C1QTNF9B: variants seen among roughly 807,000 people sequenced by gnomAD.
C1QTNF9B encodes the protein complement C1q and tumor necrosis factor-related protein 9B.
C1QTNF9B carries 9 observed loss-of-function variants against 10.1 expected under a neutral mutation model. The observed-to-expected ratio is 0.89, with a 90% CI of 0.53 to 1.55. The LOEUF is 1.55. Ranked by LOEUF, C1QTNF9B falls within the 40% of genes most tolerant of loss-of-function variation. The pLI, the probability that C1QTNF9B is intolerant of heterozygous loss-of-function variation, is 0.00. For synonymous variants in C1QTNF9B, 79 were observed against 159.9 expected, an observed-to-expected ratio of 0.49 and a Z score of 3.82; for missense variants, 196 against 414.4, an observed-to-expected ratio of 0.47 and a Z score of 4.58.
intron 2 of C1QTNF9B, 124 bp from the exon 5 acceptor site, chr13:23,892,185 G>A: frequency 1.6e-5 from 22 of 1,418,628 alleles, no homozygotes; most frequent in Non-Finnish European, 2.1e-5. Flanking sequence ...TATATGCCCA[G>A]AGTTTAAAAT....
intron 1 of C1QTNF9B, among the ~76,000 whole-genome samples, chr13:23,895,200 C>T (rs113077048): frequency 0.02 from 3,058 of 151,990 alleles, 97 homozygotes; most frequent in African/African-American, 0.07. Flanking sequence ...TCTTCCTCTC[C>T]TTCCCTCTTT....
intron 2 of C1QTNF9B, among the ~76,000 whole-genome samples, chr13:23,893,557 C>CA (rs1872092537): frequency 6.6e-6 from 1 of 152,174 alleles, no homozygotes; most frequent in Non-Finnish European, 1.5e-5. Flanking sequence ...ATGGCAGCCT[C>CA]AAACTCCCAG....
At chr13:23,891,233 G>A in exon 3 of C1QTNF9B, 2 of 1,400,338 alleles carry the variant, frequency 1.4e-6, no homozygotes, top group Non-Finnish European at 1.9e-6. Flanking sequence ...ATCTGAATAA[G>A]TTCATCCCAA....
intron 1 of C1QTNF9B, chr13:23,894,682 C>G (rs1407496535): frequency 2.2e-6 from 1 of 456,032 alleles, no homozygotes; most frequent in Middle Eastern, 4.2e-4. Flanking sequence ...TGACACTATC[C>G]CAAGATAGAA....
upstream of C1QTNF9B, chr13:23,897,333 A>G: frequency 2.6e-6 from 1 of 383,130 alleles, no homozygotes; most frequent in Non-Finnish European, 4.7e-6. Context: ...ATGCTTACTT[A>G]TCTCACAGGA....
chr13:23,896,690 G>C, intron 1 of C1QTNF9B, 131 bp downstream of exon 3: 1 of 1,365,964 alleles, frequency 7.3e-7, no homozygotes. Flanking sequence ...TCAGGCTCCA[G>C]TGAATGTTGC....
chr13:23,892,386 G>A (rs1872036845), intron 2 of C1QTNF9B, among the ~76,000 whole-genome samples: 1 of 152,228 alleles, frequency 6.6e-6, no homozygotes, highest in Non-Finnish European at 1.5e-5. Context: ...CCAGCTCAGT[G>A]GCTTATGCCT....
At chr13:23,895,774 C>T (rs554700601) in intron 1 of C1QTNF9B, among the ~76,000 whole-genome samples, 95 of 151,724 alleles carry the variant, frequency 6.3e-4, no homozygotes, top group Non-Finnish European at 1.0e-3. Flanking sequence ...CACACACACA[C>T]ACACACACAC....
chr13:23,892,765 G>A (rs1387610661), intron 2 of C1QTNF9B, among the ~76,000 whole-genome samples: 1 of 152,066 alleles, frequency 6.6e-6, no homozygotes, highest in Non-Finnish European at 1.5e-5. Flanking sequence ...TTAGTGTCAG[G>A]GCTCACATTA....
chr13:23,897,064 C>T (rs548924153), upstream of C1QTNF9B: 2 of 1,591,608 alleles, frequency 1.3e-6, no homozygotes, highest in East Asian at 2.2e-5. Context: ...GCCCTGGACA[C>T]AGCCTCCGTT....
chr13:23,895,000 G>A lies in C1QTNF9B; in HGVS notation c.167-799C>T, dbSNP rs60888696. Among the ~76,000 whole-genome samples the A allele has an allele frequency of 6.7e-3, 1,016 of 152,304 alleles. 10 individuals are homozygous for A. Among genetic ancestry groups the A allele is most frequent in the African/African-American group, 0.023 (957 of 41,552 alleles). On this transcript the variant is annotated intron_variant, in intron 1 of 2. Coordinates refer to ENST00000382137, the Ensembl canonical transcript of C1QTNF9B. Reference sequence around the variant, plus strand: ...TGGGGCGACAGGCGCAGGCTGGGCCGGCTTGCAGGTCCTGAGACAGGACTG... The same window carrying A: ...TGGGGCGACAGGCGCAGGCTGGGCCAGCTTGCAGGTCCTGAGACAGGACTG...
At chr13:23,894,290 G>C in intron 1 of C1QTNF9B, 89 bp from the exon 4 acceptor site, 1 of 1,185,270 alleles carries the variant, frequency 8.4e-7, no homozygotes, top group Non-Finnish European at 1.2e-6. Context: ...GTGTTGGAGA[G>C]TCTGGGGGTG....
chr13:23,892,475 C>A (rs1872042343), intron 2 of C1QTNF9B, among the ~76,000 whole-genome samples: 1 of 152,076 alleles, frequency 6.6e-6, no homozygotes, highest in Non-Finnish European at 1.5e-5. Flanking sequence ...GGCAACATGG[C>A]AAAACCTCAT....
chr13:23,895,037 CTT>C (rs567172997), intron 1 of C1QTNF9B, among the ~76,000 whole-genome samples: 4 of 152,190 alleles, frequency 2.6e-5, no homozygotes, highest in Non-Finnish European at 2.9e-5. Flanking sequence ...CACAGGCAGA[CTT>C]ATTTCTGTCA....
exon 3 of C1QTNF9B, chr13:23,891,399 C>G (rs201120215): frequency 2.5e-6 from 4 of 1,581,776 alleles, no homozygotes; most frequent in Non-Finnish European, 3.5e-6. Context: ...ATCTCATCCC[C>G]GAGCTTCAGC....
At chr13:23,895,470 GAATA>G (rs1399716457) in intron 1 of C1QTNF9B, among the ~76,000 whole-genome samples, 1 of 151,984 alleles carries the variant, frequency 6.6e-6, no homozygotes, top group East Asian at 1.9e-4. Flanking sequence ...TTCTAAGAAA[GAATA>G]TATATTACAA....
Position 23,896,704 on chromosome 13 carries a change from G to GTGGA in C1QTNF9B, c.166+113_166+116dup, listed in dbSNP as rs1555245256. On this transcript the variant is annotated intron_variant, in intron 1 of 2. Coordinates refer to ENST00000382137, the Ensembl canonical transcript of C1QTNF9B. ...GTCAGGCTCCAGTGAATGTTGCTGGGTGGATGGATGGATGGGTTGTGAGTG... is the reference window on the plus strand; with the variant it reads ...GTCAGGCTCCAGTGAATGTTGCTGGGTGGATGGATGGATGGATGGGTTGTGAGTG... The GTGGA allele has an allele frequency of 2.8e-6, 4 of 1,449,668 alleles. No individual in the cohort carries two copies. In the South Asian group the frequency reaches 5.4e-5, roughly 19 times the overall value. 89.8% of individuals were successfully genotyped at this position (1,449,668 alleles called of 1,614,324 possible).
intron 1 of C1QTNF9B, among the ~76,000 whole-genome samples, chr13:23,895,563 A>G (rs922024177): frequency 6.6e-6 from 1 of 152,214 alleles, no homozygotes; most frequent in Non-Finnish European, 1.5e-5. Flanking sequence ...AAGAATGGAC[A>G]TTGGTGAGCA....
chr13:23,894,379 C>G (rs1872124708), intron 1 of C1QTNF9B, 178 bp from the exon 4 acceptor site: 1 of 641,698 alleles, frequency 1.6e-6, no homozygotes, highest in African/African-American at 1.8e-5. Context: ...ATCTGGGGTG[C>G]TGAGCTGCGT....
Sources: gnomAD v4.1 joint callset for allele counts (sites outside exome capture counted in the v4.1 genomes callset) on GRCh38, gnomAD v4.1.1 for gene constraint, MANE v1.5 for transcripts, NCBI Gene and HGNC (gene_info 2026-07-23, HGNC 2026-07-21) for gene names.